The following RNF138 variants were observed in gnomAD, a reference collection of about 807,000 sequenced individuals.
RNF138 encodes ring finger protein 138.
Under a neutral mutation model 31.0 loss-of-function variants are expected in RNF138, and 12 were observed. The observed-to-expected ratio is 0.39, with a 90% CI of 0.25 to 0.63. The LOEUF (loss-of-function observed/expected upper bound fraction) is 0.63. Among genes scored for constraint, RNF138 ranks in the 20% least tolerant of loss-of-function variants. RNF138 has a pLI of 0.52. For synonymous variants in RNF138, 105 were observed against 99.5 expected, an observed-to-expected ratio of 1.06 and a Z score of -0.33; for missense variants, 192 against 300.1, an observed-to-expected ratio of 0.64 and a Z score of 2.66.
chr18:32,106,595 C>T (rs139031895), intron 2 of RNF138, among the ~76,000 whole-genome samples: 2,455 of 151,728 alleles, frequency 0.016, 63 homozygotes, highest in African/African-American at 0.056. Context: ...GATGGAGTCT[C>T]GCTCTGTCAC....
At chr18:32,119,181 C>T (rs1470670173) in intron 4 of RNF138, among the ~76,000 whole-genome samples, 4 of 152,186 alleles carry the variant, frequency 2.6e-5, no homozygotes, top group Non-Finnish European at 4.4e-5. Context: ...CTGTTCTACA[C>T]ATCTCTGCAT....
intron 2 of RNF138, among the ~76,000 whole-genome samples, chr18:32,094,232 A>G (rs536302436): frequency 3.3e-5 from 5 of 150,168 alleles, no homozygotes; most frequent in Admixed American, 1.3e-4. Context: ...GTGAGGTTCT[A>G]TAATTTTGTA....
In RNF138 at chr18:32,112,473, G is replaced by T. The variant is rs574808536; in HGVS notation, c.276+554G>T. ...GGCCAAGGTGGGTGGATGACCTGAG[G>T]TCAGGAGTTCGAGACCAGCCTGACC... On this transcript the variant is annotated intron_variant, in intron 3 of 7. Transcript: ENST00000261593. Among the ~76,000 whole-genome samples, 4 of 152,312 alleles carry T rather than the reference G, an allele frequency of 2.6e-5. No individual in the cohort carries two copies. In the East Asian group the frequency reaches 7.7e-4, roughly 29 times the overall value.
chr18:32,105,128 G>C (rs893680218), intron 2 of RNF138, among the ~76,000 whole-genome samples: 4 of 152,108 alleles, frequency 2.6e-5, no homozygotes, highest in Admixed American at 6.5e-5. Context: ...GTCTCCCTCT[G>C]TCCCCCAGGC....
rs564980917 is a variant in RNF138 at position 32,117,454 on chromosome 18, T to C, written c.392+3594T>C. Among the ~76,000 whole-genome samples, 3 of 152,156 alleles carry C rather than the reference T, an allele frequency of 2.0e-5. No individual in the cohort carries two copies. In the East Asian group the frequency reaches 5.8e-4, roughly 29 times the overall value. ...ACAGAACCTGAAGAAGAGAGCTGAA[T>C]AGAGCATGGCTATGGAAATTCTTAA... is the stretch of plus-strand genomic sequence containing the variant. On this transcript the variant is annotated intron_variant, in intron 4 of 7. Transcript: ENST00000261593.
intron 4 of RNF138, 106 bp from the exon 5 acceptor site, chr18:32,123,412 T>G (rs1312197021): frequency 2.7e-6 from 2 of 728,588 alleles, no homozygotes; most frequent in Non-Finnish European, 4.2e-6. Context: ...TTCAGACTTT[T>G]AAAACAAATT....
chr18:32,104,348 G>A (rs544142239), intron 2 of RNF138, among the ~76,000 whole-genome samples: 1 of 151,990 alleles, frequency 6.6e-6, no homozygotes, highest in Non-Finnish European at 1.5e-5. Context: ...ATTAAGGGTG[G>A]CTTCCCTAAA....
At chr18:32,093,208 C>T (rs1408991646) in intron 2 of RNF138, among the ~76,000 whole-genome samples, 1 of 152,130 alleles carries the variant, frequency 6.6e-6, no homozygotes, top group Non-Finnish European at 1.5e-5. Flanking sequence ...CTTCAGGCCC[C>T]GGAGGCCCCT....
intron 2 of RNF138, among the ~76,000 whole-genome samples, chr18:32,102,595 C>T (rs1046219306): frequency 1.3e-5 from 2 of 151,810 alleles, no homozygotes; most frequent in Non-Finnish European, 1.5e-5. Context: ...TACAGTTTGT[C>T]ACCTGATTTA....
intron 2 of RNF138, among the ~76,000 whole-genome samples, chr18:32,095,563 G>GT (rs2039789891): frequency 6.6e-6 from 1 of 152,140 alleles, no homozygotes; most frequent in Non-Finnish European, 1.5e-5. Context: ...ATATTTGGCT[G>GT]CAAAATCAAT....
At chr18:32,120,374 TGCTTACTA>T (rs1165273434) in intron 4 of RNF138, among the ~76,000 whole-genome samples, 98 of 152,336 alleles carry the variant, frequency 6.4e-4, no homozygotes, top group African/African-American at 2.4e-3. Flanking sequence ...AAAAGCATTG[TGCTTACTA>T]TTTAACATTG....
chr18:32,106,085 G>C (rs968392814), intron 2 of RNF138, among the ~76,000 whole-genome samples: 2 of 152,122 alleles, frequency 1.3e-5, no homozygotes, highest in Non-Finnish European at 2.9e-5. Flanking sequence ...TAATTTAACA[G>C]CTTCAACCAC....
chr18:32,121,138 A>AAAAAAG (rs1568238942), intron 4 of RNF138, among the ~76,000 whole-genome samples: 4 of 116,786 alleles, frequency 3.4e-5, no homozygotes, highest in Admixed American at 1.1e-4. Context: ...TGTCTCAAAA[A>AAAAAAG]AAAACAAAAC....
intron 2 of RNF138, among the ~76,000 whole-genome samples, chr18:32,102,565 T>C (rs2144577088): frequency 6.6e-6 from 1 of 152,142 alleles, no homozygotes; most frequent in Non-Finnish European, 1.5e-5. Flanking sequence ...ATGCAATTAA[T>C]ATTTGAAGAG....
At chr18:32,126,661 A>G in intron 6 of RNF138, 32 bp from the exon 7 acceptor site, 1 of 1,234,116 alleles carries the variant, frequency 8.1e-7, no homozygotes, top group Non-Finnish European at 1.2e-6. Flanking sequence ...TGTTTTTATT[A>G]TTTTTTGTTT....
rs1338534354 is a variant in RNF138 at position 32,129,328 on chromosome 18, G to A, written c.*141G>A. 1 of 572,200 alleles carries A rather than the reference G, an allele frequency of 1.7e-6. No homozygotes were observed. Among genetic ancestry groups the A allele is most frequent in the African/African-American group, 1.9e-5 (1 of 53,654 alleles). The allele number at this position is 572,200 out of a possible 1,614,324, so 35.4% of individuals were successfully genotyped here. A position where few individuals can be genotyped will look rare whatever the true frequency, so the allele number is the denominator to read the frequency against. On this transcript the variant is annotated 3_prime_UTR_variant, in exon 8 of 8. Coordinates refer to ENST00000261593, the MANE Select transcript of RNF138 (RefSeq NM_016271.5). ...TTTTAGTTTTTGATTGAAAATAAAGGTAGGGCTTCTAAAAACTTCATCATC... is the reference window on the plus strand; with the variant it reads ...TTTTAGTTTTTGATTGAAAATAAAGATAGGGCTTCTAAAAACTTCATCATC...
chr18:32,121,919 A>C (rs1413380750), intron 4 of RNF138, among the ~76,000 whole-genome samples: 1 of 152,070 alleles, frequency 6.6e-6, no homozygotes, highest in African/African-American at 2.4e-5. Flanking sequence ...CCCAGGCTGG[A>C]GTGCAGTGGC....
intron 2 of RNF138, among the ~76,000 whole-genome samples, chr18:32,108,125 G>A (rs1352594551): frequency 1.3e-5 from 2 of 152,166 alleles, no homozygotes; most frequent in Non-Finnish European, 2.9e-5. Flanking sequence ...AAGGTGCTGG[G>A]ATTACAGGCG....
chr18:32,100,814 G>T (rs186285187), intron 2 of RNF138, among the ~76,000 whole-genome samples: 2 of 152,008 alleles, frequency 1.3e-5, no homozygotes. Flanking sequence ...CATGTTGGCC[G>T]GGCTGGTCTC....
Sources: gnomAD v4.1 joint callset for allele counts (sites outside exome capture counted in the v4.1 genomes callset) on GRCh38, gnomAD v4.1.1 for gene constraint, MANE v1.5 for transcripts, NCBI Gene and HGNC (gene_info 2026-07-23, HGNC 2026-07-21) for gene names.